The following FAM120A variants were observed in gnomAD, a reference collection of about 807,000 sequenced individuals.
FAM120A encodes family with sequence similarity 120 member A.
In FAM120A, 15 loss-of-function variants were observed where a neutral mutation model predicts 109.7. The observed-to-expected ratio is 0.14, with a 90% CI of 0.09 to 0.21. The LOEUF (loss-of-function observed/expected upper bound fraction) is 0.21, where lower values mean the gene tolerates loss of function less well. Ranked by LOEUF, FAM120A falls within the 10% of genes least tolerant of loss-of-function variation. The pLI is 1.00. For synonymous variants in FAM120A, 493 were observed against 572.8 expected, an observed-to-expected ratio of 0.86 and a Z score of 1.99; for missense variants, 899 against 1,439.3, an observed-to-expected ratio of 0.62 and a Z score of 6.07.
chr9:93,512,332 G>A (rs953388116), intron 5 of FAM120A, among the ~76,000 whole-genome samples: 5 of 152,156 alleles, frequency 3.3e-5, no homozygotes, highest in African/African-American at 4.8e-5. Context: ...GCATATAGGC[G>A]TAAGTGAGTC....
chr9:93,489,866 C>T (rs1859236709), intron 3 of FAM120A, among the ~76,000 whole-genome samples: 1 of 152,108 alleles, frequency 6.6e-6, no homozygotes, highest in Non-Finnish European at 1.5e-5. Flanking sequence ...CCTTGCAGGG[C>T]TTGGTCAAAA....
intron 5 of FAM120A, among the ~76,000 whole-genome samples, chr9:93,510,907 G>GT (rs1291940180): frequency 6.6e-6 from 1 of 151,274 alleles, no homozygotes; most frequent in Non-Finnish European, 1.5e-5. Flanking sequence ...GAATGATGCC[G>GT]TATCTCGTGA....
At chr9:93,471,525 A>T in intron 2 of FAM120A, 138 bp downstream of exon 2, 1 of 1,071,940 alleles carries the variant, frequency 9.3e-7, no homozygotes, top group Non-Finnish European at 1.3e-6. Flanking sequence ...GCTCTTCCTT[A>T]GCATTCCTTG....
At chr9:93,506,670 T>C (rs934489504) in intron 5 of FAM120A, among the ~76,000 whole-genome samples, 6 of 151,950 alleles carry the variant, frequency 3.9e-5, no homozygotes, top group African/African-American at 1.5e-4. Context: ...CAATCTCAGC[T>C]CACTGCAACC....
chr9:93,499,568 A>G (rs925424171), intron 5 of FAM120A, among the ~76,000 whole-genome samples: 5 of 152,182 alleles, frequency 3.3e-5, no homozygotes, highest in African/African-American at 1.2e-4. Context: ...GATTACAGGC[A>G]TGAGCCACCA....
In FAM120A at chr9:93,451,861, AC is replaced by A. The variant is rs1304594646; in HGVS notation, c.-50del. On this transcript the variant is annotated 5_prime_UTR_variant, in exon 1 of 18. Transcript: ENST00000277165. ...CCCGCCCGCGCGCCACGGCCCCACC[AC>A]CCCCGGCCCCGCCGCCCCCCGCCCG... is the stretch of plus-strand genomic sequence containing the variant. The A allele has an allele frequency of 1.2e-6, 1 of 857,294 alleles. No individual in the cohort carries two copies. The allele number at this position is 857,294 out of a possible 1,614,324, so 53.1% of individuals were successfully genotyped here.
intron 5 of FAM120A, among the ~76,000 whole-genome samples, chr9:93,511,541 C>T (rs1336573292): frequency 6.6e-6 from 1 of 152,226 alleles, no homozygotes; most frequent in Non-Finnish European, 1.5e-5. Flanking sequence ...GACACTGGAT[C>T]TGTAGTGTAA....
intron 3 of FAM120A, among the ~76,000 whole-genome samples, chr9:93,487,646 G>A (rs1414895922): frequency 6.6e-6 from 1 of 152,196 alleles, no homozygotes; most frequent in East Asian, 1.9e-4. Flanking sequence ...CAAAACAATA[G>A]TGATAGAAAG....
At position 93,550,584 on chromosome 9, in the gene FAM120A, G is replaced by A; in HGVS notation, c.2167G>A (p.Val723Met). Reference protein sequence around the residue: ...MVLCCVLRYMVQWPGARILRR... With the variant: ...MVLCCVLRYMMQWPGARILRR... ...GTTTCTGCCCCTCACCAGGTACATG[G>A]TGCAGTGGCCGGGAGCACGCATCCT... Residue 723 changes from valine (V) to methionine (M), a missense_variant, in exon 12 of 18, where the codon GTG (valine) becomes ATG (methionine). Physicochemically the swap from Val to Met is conservative, Grantham distance 21. Around this residue, in one of 11 missense-constraint regions of FAM120A, gnomAD observed 133 missense variants for 276.6 expected, o/e 0.48. Coordinates refer to ENST00000277165, the MANE Select transcript of FAM120A (RefSeq NM_014612.5). 2 of 1,613,558 alleles carry A rather than the reference G, an allele frequency of 1.2e-6. No homozygotes were observed. The highest frequency in any genetic ancestry group is 1.7e-6 in the Non-Finnish European group (2 of 1,179,890).
Position 93,496,055 on chromosome 9 carries a change from A to G in FAM120A, c.805-1416A>G, listed in dbSNP as rs769798820. The stretch of plus-strand genomic sequence containing the variant: ...GTCCATAACAAGTACTTCTTCATTT[A>G]TTCAGGATTTATCATGAGATTTCAG... On this transcript the variant is annotated intron_variant, in intron 3 of 17. Transcript: ENST00000277165. Among the ~76,000 whole-genome samples, 3 of 152,154 alleles carry G rather than the reference A, an allele frequency of 2.0e-5. 1 individual carries two copies. Among genetic ancestry groups the G allele is most frequent in the Admixed American group, 6.5e-5 (1 of 15,276 alleles).
At chr9:93,474,308 C>T (rs567113674) in intron 2 of FAM120A, among the ~76,000 whole-genome samples, 1 of 152,152 alleles carries the variant, frequency 6.6e-6, no homozygotes, top group Admixed American at 6.5e-5. Flanking sequence ...ATGCCTCAGC[C>T]TCCCGAGTAG....
rs764816107 is a variant in FAM120A at position 93,451,921 on chromosome 9, C to T, written c.6C>T (p.Gly2=). The T allele has an allele frequency of 1.4e-6, 2 of 1,427,398 alleles. No individual in the cohort carries two copies. The highest frequency in any genetic ancestry group is 1.5e-5 in the South Asian group (1 of 68,254). The allele number at this position is 1,427,398 out of a possible 1,614,324, so 88.4% of individuals were successfully genotyped here. Residue 2 remains glycine, a synonymous_variant, in exon 1 of 18, where the codon GGC becomes GGT. Coordinates refer to ENST00000277165, the MANE Select transcript of FAM120A (RefSeq NM_014612.5). ...CCCGCGCCCCCGCCGCCGCCATGGG[C>T]GTGCAGGGCTTCCAGGACTACATCG... The part of the protein sequence containing the change: M[G]VQGFQDYIEK...
chr9:93,550,630 C>G lies in FAM120A; in HGVS notation c.2213C>G (p.Ala738Gly). 1 of 1,613,984 alleles carries G rather than the reference C, an allele frequency of 6.2e-7. No individual in the cohort carries two copies. The highest frequency in any genetic ancestry group is 8.5e-7 in the Non-Finnish European group (1 of 1,180,026). Residue 738 changes from alanine (A) to glycine (G), a missense_variant, in exon 12 of 18, where the codon GCC (alanine) becomes GGC (glycine). This residue lies in a region of FAM120A where 52 missense variants were observed against 49.7 expected (regional missense o/e 1.05). Coordinates refer to ENST00000277165, the MANE Select transcript of FAM120A (RefSeq NM_014612.5). ...ATCCTTCGGCGTCAGGAGCTAGATG[C>G]CTTCCTGGCTCAGGCGCTGTCCCCC... ...ARILRRQELD[A>G]FLAQALSPKL...
intron 1 of FAM120A, among the ~76,000 whole-genome samples, chr9:93,458,322 C>T (rs1279541303): frequency 1.3e-5 from 2 of 152,048 alleles, no homozygotes; most frequent in East Asian, 1.9e-4. Context: ...CCCTGCTTGC[C>T]TTCCGCCATT....
intron 1 of FAM120A, among the ~76,000 whole-genome samples, chr9:93,463,022 T>G (rs1331497772): frequency 6.6e-6 from 1 of 152,198 alleles, no homozygotes; most frequent in Non-Finnish European, 1.5e-5. Context: ...GGACCCATTT[T>G]TTCAACCTGG....
chr9:93,508,989 A>G (rs1375704263), intron 5 of FAM120A, among the ~76,000 whole-genome samples: 1 of 152,208 alleles, frequency 6.6e-6, no homozygotes, highest in African/African-American at 2.4e-5. Context: ...AGCTGCGGAG[A>G]AAAGGTGTTC....
chr9:93,526,182 C>T (rs890592879), intron 7 of FAM120A, among the ~76,000 whole-genome samples: 1 of 152,220 alleles, frequency 6.6e-6, no homozygotes, highest in African/African-American at 2.4e-5. Context: ...ATCCCTGCCT[C>T]AGGGTCACAC....
rs1183164256 is a variant in FAM120A, at chr9:93,539,163, A to C, written c.1910-4059A>C. Among the ~76,000 whole-genome samples, 25 of 151,948 alleles carry C rather than the reference A, an allele frequency of 1.6e-4. 1 individual carries two copies. Among genetic ancestry groups the C allele is most frequent in the Admixed American group, 1.6e-3 (25 of 15,266 alleles). ...CAGGCACCTGCCACCATGCCTGGCT[A>C]ATTTTTTGTATTTTTAGTAGAGACG... On this transcript the variant is annotated intron_variant, in intron 10 of 17. Transcript: ENST00000277165.
chr9:93,492,800 T>A (rs896682157), intron 3 of FAM120A, among the ~76,000 whole-genome samples: 12 of 152,212 alleles, frequency 7.9e-5, no homozygotes, highest in Admixed American at 7.2e-4. Context: ...AATTATAGCA[T>A]CTATTCACTT....
Sources: gnomAD v4.1 joint callset for allele counts (sites outside exome capture counted in the v4.1 genomes callset) on GRCh38, gnomAD v4.1.1 for gene constraint, gnomAD v4.1.1 regional missense constraint, MANE v1.5 for transcripts, NCBI Gene and HGNC (gene_info 2026-07-23, HGNC 2026-07-21) for gene names.